HIVEP1: variants seen among roughly 807,000 people sequenced by gnomAD.
HIVEP1 encodes HIVEP zinc finger 1, also known as zinc finger protein 40.
A neutral mutation model predicts 180.0 loss-of-function variants in HIVEP1; 36 were observed. The ratio of observed to expected loss-of-function variants is 0.20; its 90% CI spans 0.15 to 0.26. HIVEP1 has a LOEUF of 0.26. HIVEP1 is among the 10% of genes least tolerant of loss of function. The probability of loss-of-function intolerance (pLI) is 1.00; values close to 1 mark genes in which losing one functional copy is unlikely to be tolerated. For missense variants in HIVEP1, 3,143 were observed against 3,268.7 expected (o/e 0.96, Z 0.94); for synonymous variants, 1,239 against 1,239.0 (o/e 1.00, Z 0.00).
chr6:12,178,343 C>T, the HIVEP1 span, among the ~76,000 whole-genome samples: 4 of 152,202 alleles, frequency 2.6e-5, no homozygotes, highest in Non-Finnish European at 4.4e-5. Flanking sequence ...AATTCCAACA[C>T]TTTGAGAGAC....
At chr6:12,026,631 GGGTCATAA>G (rs1363789052) in intron 2 of HIVEP1, among the ~76,000 whole-genome samples, 1 of 152,126 alleles carries the variant, frequency 6.6e-6, no homozygotes, top group Non-Finnish European at 1.5e-5. Flanking sequence ...ACTGCCAGGT[GGGTCATAA>G]GGTCATAAGT....
chr6:12,062,487 A>G (rs567948798), intron 2 of HIVEP1, among the ~76,000 whole-genome samples: 25 of 152,328 alleles, frequency 1.6e-4, no homozygotes, highest in African/African-American at 5.8e-4. Flanking sequence ...TCTAAGTTAC[A>G]TCTATTCAGC....
At chr6:12,208,931 T>G in the HIVEP1 span, among the ~76,000 whole-genome samples, 1 of 152,204 alleles carries the variant, frequency 6.6e-6, no homozygotes, top group East Asian at 1.9e-4. Flanking sequence ...ACCTTTTCCT[T>G]CATAGAATGC....
At chr6:12,144,547 A>G (rs1390423542) in intron 7 of HIVEP1, among the ~76,000 whole-genome samples, 1 of 152,192 alleles carries the variant, frequency 6.6e-6, no homozygotes, top group East Asian at 1.9e-4. Context: ...AATTAAACTA[A>G]AGAGCTTCTG....
chr6:12,195,481 TA>T, the HIVEP1 span, among the ~76,000 whole-genome samples: 1 of 152,114 alleles, frequency 6.6e-6, no homozygotes, highest in Non-Finnish European at 1.5e-5. Flanking sequence ...ATGGATTAAT[TA>T]AAAAAACAAT....
intron 3 of HIVEP1, among the ~76,000 whole-genome samples, chr6:12,108,375 G>T (rs938401628): frequency 1.3e-5 from 2 of 152,202 alleles, no homozygotes; most frequent in African/African-American, 4.8e-5. Context: ...TGCCAGTCCC[G>T]TGCACTGCGC....
the HIVEP1 span, among the ~76,000 whole-genome samples, chr6:12,189,745 T>A: frequency 6.6e-6 from 1 of 152,174 alleles, no homozygotes; most frequent in Non-Finnish European, 1.5e-5. Context: ...AAATGCATAT[T>A]TCTGGGAATT....
At chr6:12,009,771 ATTCTG>A (rs1767183762), upstream of HIVEP1, among the ~76,000 whole-genome samples, 1 of 152,256 alleles carries the variant, frequency 6.6e-6, no homozygotes, top group South Asian at 2.1e-4. Context: ...CTAGGAAACT[ATTCTG>A]TATTGTATAT....
chr6:12,168,640 G>A (rs1458060218), downstream of HIVEP1, among the ~76,000 whole-genome samples: 1 of 151,690 alleles, frequency 6.6e-6, no homozygotes, highest in Non-Finnish European at 1.5e-5. Flanking sequence ...TAGCAATATA[G>A]GGTTTGATCT....
chr6:12,101,143 C>T (rs1774088454), intron 3 of HIVEP1, among the ~76,000 whole-genome samples: 2 of 152,124 alleles, frequency 1.3e-5, no homozygotes, highest in Non-Finnish European at 1.5e-5. Context: ...TTTCTATTAC[C>T]TTTTGTGCTA....
chr6:12,201,544 T>C, the HIVEP1 span, among the ~76,000 whole-genome samples: 1 of 152,220 alleles, frequency 6.6e-6, no homozygotes, highest in Non-Finnish European at 1.5e-5. Flanking sequence ...AGGCACGGTC[T>C]GTAGTATTGG....
chr6:12,119,861 T>G, intron 3 of HIVEP1, 29 bp from the exon 4 acceptor site: 1 of 1,409,246 alleles, frequency 7.1e-7, no homozygotes, highest in Non-Finnish European at 9.7e-7. Flanking sequence ...ATGTTACCAA[T>G]TGTTTGTTGT....
At chr6:12,013,792 C>T (rs1015444016) in intron 1 of HIVEP1, among the ~76,000 whole-genome samples, 2 of 150,714 alleles carry the variant, frequency 1.3e-5, no homozygotes, top group African/African-American at 2.4e-5. Flanking sequence ...GATCACTTAG[C>T]ACAATGCTAG....
chr6:12,042,485 G>A (rs947525417), intron 2 of HIVEP1, among the ~76,000 whole-genome samples: 5 of 150,204 alleles, frequency 3.3e-5, no homozygotes, highest in African/African-American at 9.8e-5. Context: ...AGACTACTGA[G>A]ATTATAGGTG....
chr6:12,069,610 A>G (rs994403508), intron 2 of HIVEP1, among the ~76,000 whole-genome samples: 1 of 150,122 alleles, frequency 6.7e-6, no homozygotes, highest in African/African-American at 2.4e-5. Flanking sequence ...ATTGGGAGAT[A>G]TACCTAATGC....
At chr6:12,132,796 G>C (rs1321430357) in intron 6 of HIVEP1, among the ~76,000 whole-genome samples, 2 of 152,188 alleles carry the variant, frequency 1.3e-5, no homozygotes, top group Non-Finnish European at 2.9e-5. Context: ...GGAGACTGGT[G>C]AAGAAAATGT....
At chr6:12,086,542 T>C (rs116072800) in intron 2 of HIVEP1, among the ~76,000 whole-genome samples, 129 of 152,158 alleles carry the variant, frequency 8.5e-4, no homozygotes, top group Non-Finnish European at 1.5e-3. Flanking sequence ...TTTTTCCCTT[T>C]GCTCCCCCTC....
chr6:12,124,658 G>C lies in HIVEP1; in HGVS notation c.4863G>C (p.Arg1621Ser). The change falls in exon 4 of 9, where the codon AGG becomes AGC. Residue 1621 changes from arginine (R) to serine (S), a missense_variant. Arg to Ser is a moderately radical substitution (Grantham distance 110, BLOSUM62 -1). Coordinates refer to ENST00000379388, the MANE Select transcript of HIVEP1 (RefSeq NM_002114.4). Reference protein sequence around the residue: ...NSHPLLPPELRPLGSQVQKVP... With the variant: ...NSHPLLPPELSPLGSQVQKVP... Reference sequence around the variant, plus strand: ...ATCCTCTGCTACCACCAGAGCTCAGGCCCCTTGGAAGTCAGGTGCAGAAGG... The same window carrying C: ...ATCCTCTGCTACCACCAGAGCTCAGCCCCCTTGGAAGTCAGGTGCAGAAGG... 1 of 1,614,112 alleles carries C rather than the reference G, an allele frequency of 6.2e-7. No individual in the cohort carries two copies. The highest frequency in any genetic ancestry group is 8.5e-7 in the Non-Finnish European group (1 of 1,180,000).
At chr6:12,075,682 T>G (rs754345771) in intron 2 of HIVEP1, among the ~76,000 whole-genome samples, 1 of 152,090 alleles carries the variant, frequency 6.6e-6, no homozygotes, top group Non-Finnish European at 1.5e-5. Flanking sequence ...TCGTTCAGCT[T>G]CAGTAACTAA....
Sources: gnomAD v4.1 joint callset for allele counts (sites outside exome capture counted in the v4.1 genomes callset) on GRCh38, gnomAD v4.1.1 for gene constraint, MANE v1.5 for transcripts, NCBI Gene and HGNC (gene_info 2026-07-23, HGNC 2026-07-21) for gene names.